Variants in NUP155 observed in about 807,000 individuals in gnomAD.
The protein encoded by NUP155 is nuclear pore complex protein Nup155.
NUP155 carries 71 observed loss-of-function variants against 180.4 expected under a neutral mutation model. The ratio of observed to expected loss-of-function variants is 0.39; its 90% confidence interval spans 0.33 to 0.48. The LOEUF is 0.48. Among genes scored for constraint, NUP155 ranks in the 20% least tolerant of loss-of-function variants. NUP155 has a pLI of 0.91. For missense variants in NUP155, 1,553 were observed against 1,648.9 expected, an observed-to-expected ratio of 0.94 and a Z score of 1.01; for synonymous variants, 582 against 559.5, an observed-to-expected ratio of 1.04 and a Z score of -0.57.
At chr5:37,368,322 T>A (rs1315846053) in intron 1 of NUP155, among the ~76,000 whole-genome samples, 1 of 147,586 alleles carries the variant, frequency 6.8e-6, no homozygotes, top group East Asian at 2.1e-4. Flanking sequence ...CCGTCTCAAG[T>A]TATCCTCCCA....
chr5:37,333,407 CA>C, intron 13 of NUP155, 55 bp downstream of exon 13: 1 of 1,498,924 alleles, frequency 6.7e-7, no homozygotes, highest in Admixed American at 1.7e-5. Flanking sequence ...GAGAACTTGA[CA>C]AAAATATTAT....
At chr5:37,294,983 G>A (rs1476576352) in intron 32 of NUP155, among the ~76,000 whole-genome samples, 1 of 152,082 alleles carries the variant, frequency 6.6e-6, no homozygotes, top group Non-Finnish European at 1.5e-5. Flanking sequence ...TCCCAATATT[G>A]AAGAGGACTT....
At chr5:37,354,985 G>C (rs1224713903) in intron 4 of NUP155, among the ~76,000 whole-genome samples, 1 of 151,412 alleles carries the variant, frequency 6.6e-6, no homozygotes, top group Non-Finnish European at 1.5e-5. Context: ...CCAGCTACTC[G>C]GGAGGCTGAG....
At chr5:37,325,813 T>TGG in intron 19 of NUP155, 88 bp downstream of exon 19, 1 of 816,442 alleles carries the variant, frequency 1.2e-6, no homozygotes, top group Admixed American at 2.1e-5. Flanking sequence ...ATCTTATTTG[T>TGG]GTAATATCAG....
chr5:37,304,638 T>C lies in NUP155; in HGVS notation c.3162+101A>G, dbSNP rs1242100555. On this transcript the variant is annotated intron_variant, in intron 27 of 34. Transcript: ENST00000231498. ...TTATACTAACATCTAATAGCAGGCA[T>C]GGGATGAGAAACTGAATTTTTTACA... 3 of 826,960 alleles carry C rather than the reference T, an allele frequency of 3.6e-6. No homozygotes were observed. In the African/African-American group the frequency reaches 5.1e-5, roughly 14 times the overall value. 51.2% of individuals were successfully genotyped at this position (826,960 alleles called of 1,614,324 possible).
intron 15 of NUP155, among the ~76,000 whole-genome samples, chr5:37,329,559 A>T (rs1417023164): frequency 6.6e-6 from 1 of 152,232 alleles, no homozygotes; most frequent in Non-Finnish European, 1.5e-5. Flanking sequence ...AGTAAATGGC[A>T]TTGTAATTTT....
chr5:37,347,105 G>T (rs1746142026), intron 9 of NUP155, among the ~76,000 whole-genome samples: 1 of 152,136 alleles, frequency 6.6e-6, no homozygotes, highest in Non-Finnish European at 1.5e-5. Flanking sequence ...GCATGTGCCT[G>T]TAGTCCTAGC....
intron 12 of NUP155, among the ~76,000 whole-genome samples, chr5:37,334,790 C>A (rs995296653): frequency 2.6e-5 from 4 of 152,188 alleles, no homozygotes; most frequent in African/African-American, 9.6e-5. Flanking sequence ...AATTATAATT[C>A]TCTTAACCAA....
chr5:37,310,214 C>T (rs1047231527), intron 23 of NUP155, among the ~76,000 whole-genome samples: 7 of 152,092 alleles, frequency 4.6e-5, no homozygotes, highest in Admixed American at 3.9e-4. Context: ...GGTGCACACC[C>T]GTAGCCCCTA....
At chr5:37,299,335 C>T (rs1259389819) in intron 31 of NUP155, 113 bp downstream of exon 31, 76 of 1,294,232 alleles carry the variant, frequency 5.9e-5, no homozygotes, top group Non-Finnish European at 8.0e-5. Flanking sequence ...CTTAGGTATA[C>T]ACAATTTTCA....
At chr5:37,350,939 T>G (rs560890001) in intron 6 of NUP155, among the ~76,000 whole-genome samples, 89 of 151,726 alleles carry the variant, frequency 5.9e-4, no homozygotes, top group Non-Finnish European at 1.2e-3. Flanking sequence ...CACATATGCA[T>G]AGATATCTAT....
intron 4 of NUP155, among the ~76,000 whole-genome samples, chr5:37,355,969 C>A (rs898827415): frequency 6.6e-6 from 1 of 151,814 alleles, no homozygotes; most frequent in African/African-American, 2.4e-5. Flanking sequence ...TGGCTCACGT[C>A]TGTAATCCCA....
In NUP155 at chr5:37,302,874, T is replaced by G. The variant is rs1742938722; in HGVS notation, c.3352A>C (p.Ile1118Leu). 1 of 1,613,934 alleles carries G rather than the reference T, an allele frequency of 6.2e-7. No individual in the cohort carries two copies. The highest frequency in any genetic ancestry group is 1.3e-5 in the African/African-American group (1 of 74,924). The part of the protein sequence containing the change: ...EISLQQRLEY[I>L]ARAILSAKSS... Reference sequence around the variant, plus strand: ...TTGGCACTAAGAATGGCTCGAGCAATGTACTCTAGTCGCTGCTGAAGTGAA... The same window carrying G: ...TTGGCACTAAGAATGGCTCGAGCAAGGTACTCTAGTCGCTGCTGAAGTGAA... The change falls in exon 29 of 35, where the codon ATT (isoleucine) becomes CTT (leucine). Residue 1118 changes from isoleucine (I) to leucine (L), a missense_variant. By Grantham distance (5) the Ile-to-Leu change is conservative. Transcript: ENST00000231498.
chr5:37,337,767 C>A, intron 12 of NUP155, 51 bp downstream of exon 12: 1 of 1,099,290 alleles, frequency 9.1e-7, no homozygotes, highest in Admixed American at 1.7e-5. Context: ...CCATATTATC[C>A]TTCACTTAAA....
chr5:37,352,926 G>T lies in NUP155; in HGVS notation c.464-97C>A, dbSNP rs1746564272. The T allele has an allele frequency of 5.0e-6, 4 of 795,038 alleles. No individual in the cohort carries two copies. In the African/African-American group the frequency reaches 5.1e-5, roughly 10 times the overall value. 49.2% of individuals were successfully genotyped at this position (795,038 alleles called of 1,614,324 possible). ...ATTAAAGTGAGCTACTAATTAAATG[G>T]TATATGAAAAGTCTGGATGCAGTTT... On this transcript the variant is annotated intron_variant, in intron 4 of 34. Transcript: ENST00000231498.
At chr5:37,355,565 A>ATTTGTTTG (rs1437728492) in intron 4 of NUP155, among the ~76,000 whole-genome samples, 2 of 126,810 alleles carry the variant, frequency 1.6e-5, no homozygotes, top group African/African-American at 7.0e-5. Flanking sequence ...ATATATATTT[A>ATTTGTTTG]TTTATTTGTT....
At chr5:37,354,664 C>A (rs1054239637) in intron 4 of NUP155, among the ~76,000 whole-genome samples, 2 of 150,668 alleles carry the variant, frequency 1.3e-5, no homozygotes, top group African/African-American at 4.9e-5. Context: ...ACCATGTTGC[C>A]CAGGCTGGTC....
intron 3 of NUP155, among the ~76,000 whole-genome samples, chr5:37,359,368 G>A (rs1238611467): frequency 6.6e-6 from 1 of 152,014 alleles, no homozygotes; most frequent in Non-Finnish European, 1.5e-5. Context: ...TGCACATCAA[G>A]TAATAGCAAT....
At position 37,291,576 on chromosome 5, in the gene NUP155, C is replaced by A; in HGVS notation, c.*324G>T. On this transcript the variant is annotated 3_prime_UTR_variant, in exon 35 of 35. Coordinates refer to ENST00000231498, the MANE Select transcript of NUP155 (RefSeq NM_153485.3). ...GAGTTTTAATGCCAATATCCTTGGACTAACTTGAAAATGAATAATATAAAT... is the reference window on the plus strand; with the variant it reads ...GAGTTTTAATGCCAATATCCTTGGAATAACTTGAAAATGAATAATATAAAT... The A allele has an allele frequency of 4.2e-6, 1 of 240,270 alleles. No homozygotes were observed. Among genetic ancestry groups the A allele is most frequent in the Non-Finnish European group, 8.2e-6 (1 of 121,734 alleles). The allele number at this position is 240,270 out of a possible 1,614,324, so 14.9% of individuals were successfully genotyped here. A position where few individuals can be genotyped will look rare whatever the true frequency, so the allele number is the denominator to read the frequency against.
Sources: gnomAD v4.1 joint callset for allele counts (sites outside exome capture counted in the v4.1 genomes callset) on GRCh38, gnomAD v4.1.1 for gene constraint, MANE v1.5 for transcripts, NCBI Gene and HGNC (gene_info 2026-07-23, HGNC 2026-07-21) for gene names.